Variants in FANCA observed in about 807,000 individuals in gnomAD.
FANCA encodes FA complementation group A.
A neutral mutation model predicts 194.3 loss-of-function variants in FANCA; 236 were observed. The observed-to-expected ratio is 1.21, with a 90% CI of 1.09 to 1.35. FANCA has a LOEUF of 1.35. FANCA is among the 40% of genes most tolerant of loss of function. The pLI is 0.00. For synonymous variants in FANCA, 1,014 were observed against 715.8 expected (o/e 1.42, Z -6.65); for missense variants, 2,628 against 1,813.9 (o/e 1.45, Z -8.15).
intron 27 of FANCA, among the ~76,000 whole-genome samples, chr16:89,766,727 A>AG: frequency 6.6e-6 from 1 of 152,112 alleles, no homozygotes; most frequent in East Asian, 1.9e-4. Context: ...AAAAAAAAAA[A>AG]AATTCCTTTG....
At position 89,793,971 on chromosome 16, in the gene FANCA, C is replaced by T. The variant is rs573838391; in HGVS notation, c.1007-1424G>A. Among the ~76,000 whole-genome samples the T allele has an allele frequency of 1.4e-3, 210 of 152,110 alleles. 1 individual carries two copies. The highest frequency in any genetic ancestry group is 4.8e-3 in the African/African-American group (199 of 41,496). The stretch of plus-strand genomic sequence containing the variant: ...TTCACTCTTTTGGCCAGGCTGGTCT[C>T]GAACTTCTGACCTCGTGACCTGCCC... On this transcript the variant is annotated intron_variant, in intron 11 of 42. Transcript: ENST00000389301.
intron 6 of FANCA, among the ~76,000 whole-genome samples, chr16:89,806,706 T>C (rs2040661544): frequency 6.6e-6 from 1 of 152,206 alleles, no homozygotes; most frequent in Non-Finnish European, 1.5e-5. Flanking sequence ...CAGAAGAATT[T>C]CTCTTAGTAC....
At chr16:89,805,033 C>T (rs1370582654) in intron 7 of FANCA, among the ~76,000 whole-genome samples, 4 of 152,064 alleles carry the variant, frequency 2.6e-5, no homozygotes, top group African/African-American at 9.7e-5. Context: ...GAAGCAGCTG[C>T]GGTCACTCTA....
chr16:89,781,363 C>CAA (rs775937692), intron 17 of FANCA, among the ~76,000 whole-genome samples: 1,115 of 60,326 alleles, frequency 0.018, 25 homozygotes, highest in South Asian at 0.041. Context: ...GACTCCATTC[C>CAA]AAAAAAAAAA....
chr16:89,777,784 C>T (rs910834220), intron 20 of FANCA, among the ~76,000 whole-genome samples: 2 of 152,140 alleles, frequency 1.3e-5, no homozygotes, highest in African/African-American at 2.4e-5. Context: ...AGTTCTGCAG[C>T]ATGAGGCTTT....
chr16:89,775,650 G>C, intron 21 of FANCA, 92 bp downstream of exon 21: 2 of 1,054,632 alleles, frequency 1.9e-6, no homozygotes, highest in African/African-American at 1.6e-5. Context: ...CCACCCCCGA[G>C]CTCACTCGGG....
chr16:89,783,751 C>G lies in FANCA; in HGVS notation c.1471-649G>C, dbSNP rs149548990. ...CCTTTGACTTCCTGGTCAAAGGGGACAGAGGGGACACAGCGTGTTTTTTTC... is the reference window on the plus strand; with the variant it reads ...CCTTTGACTTCCTGGTCAAAGGGGAGAGAGGGGACACAGCGTGTTTTTTTC... On this transcript the variant is annotated intron_variant, in intron 15 of 42. Coordinates refer to ENST00000389301, the MANE Select transcript of FANCA (RefSeq NM_000135.4). Among the ~76,000 whole-genome samples, 235 of 152,048 alleles carry G rather than the reference C, an allele frequency of 1.5e-3. 1 individual carries two copies. Among genetic ancestry groups the G allele is most frequent in the African/African-American group, 5.0e-3 (208 of 41,480 alleles).
intron 35 of FANCA, among the ~76,000 whole-genome samples, chr16:89,745,509 G>C (rs1413887693): frequency 1.5e-5 from 2 of 137,256 alleles, no homozygotes; most frequent in Non-Finnish European, 1.5e-5. Context: ...GAACGAAACA[G>C]TGAAGGGACC....
At chr16:89,771,155 C>CAAAA (rs34471552) in intron 23 of FANCA, among the ~76,000 whole-genome samples, 72 of 56,642 alleles carry the variant, frequency 1.3e-3, no homozygotes, top group African/African-American at 4.8e-3. Context: ...AAGACTCAGT[C>CAAAA]AAAAAAAAAA....
In FANCA at chr16:89,782,820, G is replaced by C. The variant is rs151096851; in HGVS notation, c.1626+39C>G. The stretch of plus-strand genomic sequence containing the variant: ...GAAACTGGACCTTTGCATGGTGGGC[G>C]TGACTGGCTGAGACCCTGCAGGGCT... On this transcript the variant is annotated intron_variant, in intron 17 of 42. Transcript: ENST00000389301. The C allele has an allele frequency of 2.1e-3, 3,216 of 1,568,174 alleles. 6 individuals are homozygous for C. The highest frequency in any genetic ancestry group is 2.6e-3 in the Non-Finnish European group (2,979 of 1,138,314).
At chr16:89,757,421 G>A (rs2038803356) in intron 30 of FANCA, among the ~76,000 whole-genome samples, 1 of 152,192 alleles carries the variant, frequency 6.6e-6, no homozygotes, top group Non-Finnish European at 1.5e-5. Context: ...AGAAGGAAGG[G>A]TATGCTGATA....
chr16:89,792,787 G>A, intron 11 of FANCA: 1 of 455,170 alleles, frequency 2.2e-6, no homozygotes, highest in Non-Finnish European at 4.1e-6. Flanking sequence ...GTTATTTATT[G>A]GATACAAAGC....
chr16:89,783,972 GC>G (rs2039810208), intron 15 of FANCA, among the ~76,000 whole-genome samples: 1 of 152,068 alleles, frequency 6.6e-6, no homozygotes, highest in Non-Finnish European at 1.5e-5. Flanking sequence ...CATTGGTCAG[GC>G]TGGTCTCGAA....
In FANCA at chr16:89,787,748, C is replaced by A. The variant is rs551370762; in HGVS notation, c.1360-2784G>T. ...AGAGACCTTGCCTCAAAAAAACAAA[C>A]AAAAAAACCCCACAAATTACATTTA... On this transcript the variant is annotated intron_variant, in intron 14 of 42. Transcript: ENST00000389301. 5.9e-5 allele frequency among the ~76,000 whole-genome samples: 9 copies of A among 151,708 alleles called. No homozygotes were observed. The East Asian group carries it at 1.7e-3, about 29-fold the overall frequency.
In FANCA at chr16:89,784,908, G is replaced by A. The variant is rs750815711; in HGVS notation, c.1416C>T (p.Phe472=). The A allele has an allele frequency of 1.2e-6, 2 of 1,614,078 alleles. No individual in the cohort carries two copies. Among genetic ancestry groups the A allele is most frequent in the Non-Finnish European group, 1.7e-6 (2 of 1,180,038 alleles). ...YHGCSKKALV[F]LFTFLSELVP... is the part of the protein sequence containing the mutation. ...CGAGTTCTGACAAGAACGTAAACAG[G>A]AAGACCAGGGCCTTCTTGCTGCAGC... The change falls in exon 15 of 43, where the codon TTC becomes TTT. Residue 472 remains phenylalanine (F), a synonymous_variant. Coordinates refer to ENST00000389301, the MANE Select transcript of FANCA (RefSeq NM_000135.4).
chr16:89,767,853 T>C (rs1469091471), intron 26 of FANCA, among the ~76,000 whole-genome samples: 2 of 152,154 alleles, frequency 1.3e-5, no homozygotes, highest in Non-Finnish European at 2.9e-5. Context: ...CAGTCGAGTT[T>C]TTAATTTTTT....
Position 89,767,202 on chromosome 16 carries a change from T to G in FANCA, c.2540A>C (p.Lys847Thr), listed in dbSNP as rs1430370721. ...CTAAISYSLCKFSSQSRDTLC... is the reference protein window; with the variant it reads ...CTAAISYSLCTFSSQSRDTLC... The stretch of plus-strand genomic sequence containing the variant: ...AGTATCTCGTGACTGGGAAGAAAAC[T>G]TGCAGAGAGAGTAAGAAATTGCTGC... Residue 847 changes from lysine to threonine, a missense_variant, in exon 27 of 43, where the codon AAG becomes ACG. By Grantham distance (78) the Lys-to-Thr change is moderately conservative. Coordinates refer to ENST00000389301, the MANE Select transcript of FANCA (RefSeq NM_000135.4). 2.0e-5 allele frequency: 33 copies of G among 1,613,694 alleles called. 1 individual carries two copies. The highest frequency in any genetic ancestry group is 3.3e-5 in the South Asian group (3 of 91,080).
rs745918714 is a variant in FANCA at position 89,739,910 on chromosome 16, A to G, written c.3934+84T>C. The G allele has an allele frequency of 1.9e-6, 3 of 1,590,778 alleles. No individual in the cohort carries two copies. In the South Asian group the frequency reaches 3.4e-5, roughly 18 times the overall value. On this transcript the variant is annotated intron_variant, in intron 39 of 42. Transcript: ENST00000389301. ...TAAACTTACTTAGCAAGGAACCTCA[A>G]GGAGGGCTCGTTCTTAACCATTTGC...
Position 89,738,114 on chromosome 16 carries a change from A to G in FANCA, c.*487T>C. 6.2e-7 allele frequency: 1 copy of G among 1,613,914 alleles called. No homozygotes were observed. The highest frequency in any genetic ancestry group is 8.5e-7 in the Non-Finnish European group (1 of 1,180,036). The stretch of plus-strand genomic sequence containing the variant: ...TTGAGAAGGCCCACAACCTCAATGT[A>G]CACATGTCCATGGTGCACCCGCTGA... On this transcript the variant is annotated 3_prime_UTR_variant, in exon 43 of 43. Coordinates refer to ENST00000389301, the MANE Select transcript of FANCA (RefSeq NM_000135.4).
Sources: gnomAD v4.1 joint callset for allele counts (sites outside exome capture counted in the v4.1 genomes callset) on GRCh38, gnomAD v4.1.1 for gene constraint, MANE v1.5 for transcripts, NCBI Gene and HGNC (gene_info 2026-07-23, HGNC 2026-07-21) for gene names.